DGKH: variants seen among roughly 807,000 people sequenced by gnomAD.
DGKH encodes DAG kinase eta.
Under a neutral mutation model 159.3 loss-of-function variants are expected in DGKH, and 90 were observed. The observed-to-expected ratio is 0.57, with a 90% CI of 0.48 to 0.67. DGKH has a LOEUF of 0.67. Among genes scored for constraint, DGKH ranks in the 30% least tolerant of loss-of-function variants. The pLI, the probability that DGKH is intolerant of heterozygous loss-of-function variation, is 0.00. For synonymous variants in DGKH, 536 were observed against 553.8 expected, an observed-to-expected ratio of 0.97 and a Z score of 0.45; for missense variants, 1,181 against 1,506.1, an observed-to-expected ratio of 0.78 and a Z score of 3.57.
At chr13:42,223,671 G>A (rs421564) in intron 29 of DGKH, among the ~76,000 whole-genome samples, 95,260 of 151,566 alleles carry the variant, frequency 0.63, 30,577 homozygotes, top group East Asian at 0.88. Context: ...TGAGGCAGGC[G>A]AATTTCTTGA....
chr13:42,082,267 G>A (rs1311001532), intron 1 of DGKH, among the ~76,000 whole-genome samples: 1 of 151,992 alleles, frequency 6.6e-6, no homozygotes, highest in African/African-American at 2.4e-5. Context: ...TTTGGGTTGA[G>A]TTATTAAAGA....
At position 42,206,012 on chromosome 13, in the gene DGKH, C is replaced by CTTT. The variant is rs34351817; in HGVS notation, c.2494-12_2494-10dup. The CTTT allele has an allele frequency of 1.9e-3, 2,128 of 1,130,446 alleles. 1 individual carries two copies. Among genetic ancestry groups the CTTT allele is most frequent in the Non-Finnish European group, 2.2e-3 (1,943 of 875,964 alleles). The allele number at this position is 1,130,446 out of a possible 1,614,324, so 70.0% of individuals were successfully genotyped here. ...TTCTGCTCTTTTTATCTAATCTCTA[C>CTTT]TTTTTTTTTTTTTTTTTACCTTACA... On this transcript the variant is annotated intron_variant, in intron 20 of 29. Transcript: ENST00000337343.
chr13:42,144,723 G>A (rs1050941718), intron 3 of DGKH, among the ~76,000 whole-genome samples: 1 of 151,742 alleles, frequency 6.6e-6, no homozygotes, highest in African/African-American at 2.4e-5. Flanking sequence ...GGGGTTCCAT[G>A]TCCATCACAC....
chr13:42,043,579 G>A (rs1443341815), intron 1 of DGKH: 1 of 152,048 alleles, frequency 6.6e-6, no homozygotes, highest in African/African-American at 2.4e-5. Context: ...AGATCCTCCT[G>A]ACATGGCATC....
At chr13:42,071,452 C>T (rs1261175739) in intron 1 of DGKH, among the ~76,000 whole-genome samples, 1 of 152,216 alleles carries the variant, frequency 6.6e-6, no homozygotes, top group Non-Finnish European at 1.5e-5. Context: ...TAACATTTAA[C>T]AAAAATGTGA....
chr13:42,175,016 C>A (rs112629714), intron 12 of DGKH, among the ~76,000 whole-genome samples: 1 of 152,174 alleles, frequency 6.6e-6, no homozygotes, highest in Admixed American at 6.5e-5. Context: ...AACCTCAAAG[C>A]GGTGTAGATT....
At chr13:42,208,676 C>A (rs920419810) in intron 21 of DGKH, among the ~76,000 whole-genome samples, 1 of 151,264 alleles carries the variant, frequency 6.6e-6, no homozygotes, top group African/African-American at 2.4e-5. Context: ...TGTTTTATTC[C>A]AAGGTGAATT....
At chr13:42,059,873 T>C (rs1257818666) in intron 1 of DGKH, among the ~76,000 whole-genome samples, 1 of 151,718 alleles carries the variant, frequency 6.6e-6, no homozygotes, top group Non-Finnish European at 1.5e-5. Context: ...TCTCTTCTTT[T>C]GCTTTCAAAG....
intron 1 of DGKH, chr13:42,043,640 T>A (rs1439203337): frequency 6.6e-6 from 1 of 152,174 alleles, no homozygotes; most frequent in African/African-American, 2.4e-5. Flanking sequence ...GCTTTTTAAA[T>A]TCAAATATAG....
intron 7 of DGKH, among the ~76,000 whole-genome samples, chr13:42,163,002 T>TCCCTCCC (rs1483317200): frequency 6.9e-6 from 1 of 144,588 alleles, no homozygotes; most frequent in East Asian, 2.1e-4. Context: ...CCTAATGCTA[T>TCCCTCCC]CCCTCCCCCC....
rs561492745 is a variant in DGKH, at chr13:42,165,918, T to G, written c.958+485T>G. 3.3e-5 allele frequency among the ~76,000 whole-genome samples: 5 copies of G among 152,242 alleles called. No homozygotes were observed. The East Asian group carries it at 9.6e-4, about 29-fold the overall frequency. Reference sequence around the variant, plus strand: ...CAACACCGGTTTTGGGATTGCATACTAATTACTTCCTTCTAAGCAAACCGT... The same window carrying G: ...CAACACCGGTTTTGGGATTGCATACGAATTACTTCCTTCTAAGCAAACCGT... On this transcript the variant is annotated intron_variant, in intron 8 of 29. Coordinates refer to ENST00000337343, the MANE Select transcript of DGKH (RefSeq NM_178009.5).
In DGKH at chr13:42,240,336, C is replaced by A. The variant is rs573579883; in HGVS notation, c.*11148C>A. The A allele has an allele frequency of 6.6e-6, 1 of 152,198 alleles. No homozygotes were observed. Among genetic ancestry groups the A allele is most frequent in the Non-Finnish European group, 1.5e-5 (1 of 68,026 alleles). 9.4% of individuals were successfully genotyped at this position (152,198 alleles called of 1,614,324 possible). ...GAGCAGTTGTTTTGTGAAAAATAAT[C>A]ATCTGTTAGCTGTAAATCAGAAATA... is the stretch of plus-strand genomic sequence containing the variant. On this transcript the variant is annotated 3_prime_UTR_variant, in exon 30 of 30. Coordinates refer to ENST00000337343, the MANE Select transcript of DGKH (RefSeq NM_178009.5).
intron 1 of DGKH, among the ~76,000 whole-genome samples, chr13:42,076,112 T>A (rs1175081697): frequency 6.6e-6 from 1 of 152,212 alleles, no homozygotes; most frequent in Non-Finnish European, 1.5e-5. Flanking sequence ...ATTTTGTAAA[T>A]AAATTCCTCA....
intron 12 of DGKH, among the ~76,000 whole-genome samples, chr13:42,174,388 T>G (rs1489248722): frequency 6.6e-6 from 1 of 152,142 alleles, no homozygotes; most frequent in African/African-American, 2.4e-5. Context: ...CTCCTCTTCC[T>G]GGGACTCTTC....
At position 42,095,403 on chromosome 13, in the gene DGKH, TC is replaced by T. The variant is rs369037605; in HGVS notation, c.193-32055del. Among the ~76,000 whole-genome samples, 38 of 152,158 alleles carry T rather than the reference TC, an allele frequency of 2.5e-4. No homozygotes were observed. In the South Asian group the frequency reaches 6.2e-3, roughly 25 times the overall value. ...GTCTTGAACACCTGAACTCAAGTGATCCCCCTGCCTCAGCCTCTCCAAGTGC... is the reference window on the plus strand; with the variant it reads ...GTCTTGAACACCTGAACTCAAGTGATCCCCTGCCTCAGCCTCTCCAAGTGC... On this transcript the variant is annotated intron_variant, in intron 1 of 29. Coordinates refer to ENST00000337343, the MANE Select transcript of DGKH (RefSeq NM_178009.5).
intron 15 of DGKH, among the ~76,000 whole-genome samples, chr13:42,189,584 T>A (rs1957014724): frequency 6.6e-6 from 1 of 152,162 alleles, no homozygotes; most frequent in African/African-American, 2.4e-5. Flanking sequence ...AAATGACATT[T>A]AAAAAATTTT....
At chr13:42,109,684 G>A (rs2137797839) in intron 1 of DGKH, among the ~76,000 whole-genome samples, 1 of 151,950 alleles carries the variant, frequency 6.6e-6, no homozygotes, top group South Asian at 2.1e-4. Context: ...GTGTGTGTGT[G>A]TGTGTGTCTG....
chr13:42,167,808 G>C (rs1330787358), intron 9 of DGKH, among the ~76,000 whole-genome samples: 2 of 151,994 alleles, frequency 1.3e-5, no homozygotes, highest in East Asian at 1.9e-4. Flanking sequence ...GTCCTCGAAG[G>C]CTTCAAGGAC....
At chr13:42,116,919 C>T (rs1418343316) in intron 1 of DGKH, among the ~76,000 whole-genome samples, 1 of 152,052 alleles carries the variant, frequency 6.6e-6, no homozygotes, top group South Asian at 2.1e-4. Flanking sequence ...TTTTGGAAAA[C>T]GATTTTTCAA....
Sources: gnomAD v4.1 joint callset for allele counts (sites outside exome capture counted in the v4.1 genomes callset) on GRCh38, gnomAD v4.1.1 for gene constraint, MANE v1.5 for transcripts, NCBI Gene and HGNC (gene_info 2026-07-23, HGNC 2026-07-21) for gene names.